Variants in ILDR2 observed in about 807,000 individuals in gnomAD.
The protein encoded by ILDR2 is immunoglobulin-like domain-containing receptor 2.
In ILDR2, 25 loss-of-function variants were observed where a neutral mutation model predicts 66.8. That is an observed-to-expected ratio of 0.37 (90% confidence interval 0.27 to 0.52). The LOEUF (loss-of-function observed/expected upper bound fraction) is 0.52, where lower values mean the gene tolerates loss of function less well. ILDR2 is among the 20% of genes least tolerant of loss of function. The pLI is 0.88. For missense variants in ILDR2, 827 were observed against 876.8 expected (o/e 0.94, Z 0.72); for synonymous variants, 367 against 357.2 (o/e 1.03, Z -0.31).
chr1:166,974,721 C>G (rs556177558), intron 1 of ILDR2, among the ~76,000 whole-genome samples: 1 of 152,270 alleles, frequency 6.6e-6, no homozygotes, highest in Admixed American at 6.5e-5. Flanking sequence ...CAGAGAGCCA[C>G]AGAGAGAATG....
At position 166,921,045 on chromosome 1, in the gene ILDR2, G is replaced by A. The variant is rs1659899257; in HGVS notation, c.1546C>T (p.Arg516Cys). 3 of 1,504,430 alleles carry A rather than the reference G, an allele frequency of 2.0e-6. No homozygotes were observed. Among genetic ancestry groups the A allele is most frequent in the African/African-American group, 1.4e-5 (1 of 69,234 alleles). The allele number at this position is 1,504,430 out of a possible 1,614,324, so 93.2% of individuals were successfully genotyped here. ...EDAHLPRLVS[R>C]TPGTAPKYDH... ...TATTTGGGTGCGGTGCCTGGCGTGC[G>A]GCTCACCAGCCGCGGCAGGTGCGCG... The change falls in exon 9 of 10, where the codon CGC becomes TGC. Residue 516 changes from arginine (R) to cysteine (C), a missense_variant. Physicochemically the swap from Arg to Cys is radical, Grantham distance 180 (BLOSUM62 -3). This residue lies in a region of ILDR2 where 390 missense variants were observed against 353.6 expected (regional missense o/e 1.10). Transcript: ENST00000271417. This position sits in a 1 kb window ranked among gnomAD's most constrained non-coding sequence, Gnocchi z 5.3.
intron 2 of ILDR2, among the ~76,000 whole-genome samples, chr1:166,898,796 A>C (rs143721626): frequency 6.4e-4 from 97 of 152,218 alleles, no homozygotes; most frequent in African/African-American, 2.1e-3. Flanking sequence ...GCAGTAGCTG[A>C]CACCTGTAAT....
Position 166,936,839 on chromosome 1 carries a change from A to G in ILDR2, c.557-102T>C. The G allele has an allele frequency of 8.7e-7, 1 of 1,144,826 alleles. No homozygotes were observed. Among genetic ancestry groups the G allele is most frequent in the Non-Finnish European group, 1.3e-6 (1 of 788,582 alleles). 70.9% of individuals were successfully genotyped at this position (1,144,826 alleles called of 1,614,324 possible). A position where few individuals can be genotyped will look rare whatever the true frequency, so the allele number is the denominator to read the frequency against. The stretch of plus-strand genomic sequence containing the variant: ...CGGTGAAAGGGGGAGAGGAGGAGGG[A>G]CCTAGGGAAGAAAGCTTCTCTTAAC... On this transcript the variant is annotated intron_variant, in intron 4 of 9. Transcript: ENST00000271417. The surrounding 1 kb of genome is among the most constrained non-coding windows in gnomAD (Gnocchi z 5.0).
intron 1 of ILDR2, among the ~76,000 whole-genome samples, chr1:166,967,571 A>G (rs1189359547): frequency 1.3e-5 from 2 of 152,194 alleles, no homozygotes; most frequent in Non-Finnish European, 2.9e-5. Context: ...AGCCTGGCCA[A>G]CATGGCGAAA....
At chr1:166,900,955 C>T (rs1659253651) in intron 2 of ILDR2, among the ~76,000 whole-genome samples, 3 of 152,142 alleles carry the variant, frequency 2.0e-5, no homozygotes, top group African/African-American at 7.2e-5. Flanking sequence ...TAACAATTTA[C>T]TCTGATGTTT....
intron 3 of ILDR2, among the ~76,000 whole-genome samples, chr1:166,947,795 A>C (rs989241184): frequency 3.3e-5 from 5 of 152,156 alleles, no homozygotes; most frequent in African/African-American, 1.2e-4. Context: ...CGCTAATTGA[A>C]GGCCGAGTTT....
chr1:166,897,965 A>C (rs1262888891), intron 2 of ILDR2, among the ~76,000 whole-genome samples: 1 of 152,186 alleles, frequency 6.6e-6, no homozygotes, highest in African/African-American at 2.4e-5. Context: ...TTGAGCTTGC[A>C]GCTGGCATCT....
At position 166,935,622 on chromosome 1, in the gene ILDR2, T is replaced by C. The variant is rs573207507; in HGVS notation, c.704-145A>G. 11 of 697,268 alleles carry C rather than the reference T, an allele frequency of 1.6e-5. No homozygotes were observed. The South Asian group carries it at 2.4e-4, about 15-fold the overall frequency. The allele number at this position is 697,268 out of a possible 1,614,324, so 43.2% of individuals were successfully genotyped here. On this transcript the variant is annotated intron_variant, in intron 5 of 9. Transcript: ENST00000271417. ...AGCGTTTGTTCTTCTAAAACTGAAC[T>C]GATTCATCAGAATCACTCTCCCCCA...
At chr1:166,937,129 G>C (rs1661033269) in intron 4 of ILDR2, among the ~76,000 whole-genome samples, 1 of 152,190 alleles carries the variant, frequency 6.6e-6, no homozygotes. Flanking sequence ...GGGCTACGAA[G>C]TGGTGGGTTC....
chr1:166,946,699 C>A (rs1175631035), intron 3 of ILDR2, among the ~76,000 whole-genome samples: 1 of 152,170 alleles, frequency 6.6e-6, no homozygotes, highest in Non-Finnish European at 1.5e-5. Context: ...GCCAAGAATA[C>A]AACCAGGTGT....
At chr1:166,952,682 G>A (rs1662052090) in intron 3 of ILDR2, among the ~76,000 whole-genome samples, 1 of 152,182 alleles carries the variant, frequency 6.6e-6, no homozygotes, top group African/African-American at 2.4e-5. Flanking sequence ...ATGGTTGTGG[G>A]CAGTTTGACT....
At chr1:166,903,539 A>G (rs1403494460), downstream of ILDR2, among the ~76,000 whole-genome samples, 1 of 152,202 alleles carries the variant, frequency 6.6e-6, no homozygotes, top group East Asian at 1.9e-4. Context: ...ACAATAAGGA[A>G]GGCTGGGAAA....
intron 1 of ILDR2, among the ~76,000 whole-genome samples, chr1:166,960,433 A>G (rs1662541841): frequency 6.6e-6 from 1 of 152,170 alleles, no homozygotes; most frequent in Admixed American, 6.5e-5. Context: ...CTGACCATAC[A>G]CTAATGATGG....
rs1659659396 is a variant in ILDR2 at position 166,916,762 on chromosome 1, ATCT to A, written c.*2590_*2592del. The stretch of plus-strand genomic sequence containing the variant: ...CCCAAGGTTAATTCAGTAGCCTGCT[ATCT>A]TCTTTGTACTTTTCAGTCTATCTGT... On this transcript the variant is annotated 3_prime_UTR_variant, in exon 10 of 10. Transcript: ENST00000271417. 6.6e-6 allele frequency: 1 copy of A among 152,216 alleles called. No individual in the cohort carries two copies. The highest frequency in any genetic ancestry group is 6.5e-5 in the Admixed American group (1 of 15,278). The allele number at this position is 152,216 out of a possible 1,614,324, so 9.4% of individuals were successfully genotyped here.
At chr1:166,964,479 G>A (rs1343884868) in intron 1 of ILDR2, among the ~76,000 whole-genome samples, 1 of 152,182 alleles carries the variant, frequency 6.6e-6, no homozygotes, top group East Asian at 1.9e-4. Context: ...CTAGTATACA[G>A]CAAAGGCAAA....
At chr1:166,958,248 T>G in intron 1 of ILDR2, 147 bp from the exon 2 acceptor site, 1 of 681,738 alleles carries the variant, frequency 1.5e-6, no homozygotes, top group Non-Finnish European at 2.5e-6. Context: ...TTAATATCCA[T>G]CTGGTTGCTT....
In ILDR2 at chr1:166,915,798, C is replaced by G. The variant is rs1659620179; in HGVS notation, c.*3557G>C. On this transcript the variant is annotated 3_prime_UTR_variant, in exon 10 of 10. Transcript: ENST00000271417. Reference sequence around the variant, plus strand: ...CAGGTGCCTTGGGTTTGGGTGGCAGCCTTTTCTCATCTCCAGTATGCCTAA... The same window carrying G: ...CAGGTGCCTTGGGTTTGGGTGGCAGGCTTTTCTCATCTCCAGTATGCCTAA... 6.6e-6 allele frequency: 1 copy of G among 152,110 alleles called. No homozygotes were observed. 9.4% of individuals were successfully genotyped at this position (152,110 alleles called of 1,614,324 possible).
chr1:166,972,314 G>A (rs1473508899), intron 1 of ILDR2, among the ~76,000 whole-genome samples: 1 of 152,164 alleles, frequency 6.6e-6, no homozygotes, highest in Non-Finnish European at 1.5e-5. Flanking sequence ...GCTTGCTCCA[G>A]GAGTGTGTTC....
intron 7 of ILDR2, among the ~76,000 whole-genome samples, chr1:166,923,149 T>C (rs1213247211): frequency 6.6e-6 from 1 of 152,228 alleles, no homozygotes; most frequent in East Asian, 1.9e-4. Flanking sequence ...CTTGTTCAAA[T>C]GTTTTCTTCT....
Sources: allele counts gnomAD v4.1 joint callset (sites outside exome capture counted in the v4.1 genomes callset), GRCh38; gene constraint gnomAD v4.1.1; regional missense constraint gnomAD v4.1.1; non-coding constraint Gnocchi (gnomAD v3.1); transcripts MANE v1.5; gene names NCBI Gene and HGNC (gene_info 2026-07-23, HGNC 2026-07-21).